The following PEAK1 variants were observed in gnomAD, a reference collection of about 807,000 sequenced individuals.
PEAK1 encodes pseudopodium enriched atypical kinase 1.
A neutral mutation model predicts 124.7 loss-of-function variants in PEAK1; 54 were observed. That is an observed-to-expected ratio of 0.43 (90% confidence interval 0.35 to 0.54). PEAK1 has a LOEUF of 0.54. Among genes scored for constraint, PEAK1 ranks in the 20% least tolerant of loss-of-function variants. PEAK1 has a pLI of 0.01. For missense variants in PEAK1, 2,046 were observed against 2,134.5 expected, an observed-to-expected ratio of 0.96 and a Z score of 0.82; for synonymous variants, 719 against 760.0, an observed-to-expected ratio of 0.95 and a Z score of 0.89.
At chr15:77,352,723 T>A (rs376229312) in intron 2 of PEAK1, 3 of 958,610 alleles carry the variant, frequency 3.1e-6, no homozygotes, top group East Asian at 1.2e-4. Flanking sequence ...AGATTTGAAA[T>A]AATTATTTAA....
chr15:77,311,670 C>A (rs1402336792), intron 2 of PEAK1, among the ~76,000 whole-genome samples: 2 of 127,614 alleles, frequency 1.6e-5, no homozygotes, highest in Non-Finnish European at 3.2e-5. Context: ...GAGATTCCAA[C>A]CCCCCCAACC....
At chr15:77,221,597 C>A (rs1178898418) in intron 6 of PEAK1, among the ~76,000 whole-genome samples, 2 of 152,016 alleles carry the variant, frequency 1.3e-5, no homozygotes, top group Non-Finnish European at 2.9e-5. Flanking sequence ...AATAGGTTAT[C>A]CTGGAACACA....
At chr15:77,397,889 G>A (rs192451202) in intron 1 of PEAK1, among the ~76,000 whole-genome samples, 8 of 151,824 alleles carry the variant, frequency 5.3e-5, no homozygotes, top group East Asian at 1.9e-4. Context: ...GACAAACCCC[G>A]TCTCTACTAA....
intron 6 of PEAK1, among the ~76,000 whole-genome samples, chr15:77,222,865 G>A (rs1416900558): frequency 6.6e-6 from 1 of 151,940 alleles, no homozygotes. Flanking sequence ...TAATCTTACA[G>A]GCAAAAAGTC....
chr15:77,261,694 T>C (rs1181673389), intron 5 of PEAK1, among the ~76,000 whole-genome samples: 1 of 152,128 alleles, frequency 6.6e-6, no homozygotes, highest in Non-Finnish European at 1.5e-5. Flanking sequence ...TGCAGGATAT[T>C]ATCCAGGAGA....
intron 8 of PEAK1, 64 bp downstream of exon 8, chr15:77,158,439 G>A (rs763031613): frequency 1.4e-6 from 2 of 1,414,720 alleles, no homozygotes; most frequent in Admixed American, 1.7e-5. Flanking sequence ...CAAGAAAACA[G>A]AACATTTGGC....
Position 77,371,470 on chromosome 15 carries a change from A to G in PEAK1, c.-665-6245T>C, listed in dbSNP as rs896330955. ...CAAATAATCTATTCACATGTAACTC[A>G]GATCTTTATTGTAGCCTTTGTTGTA... On this transcript the variant is annotated intron_variant, in intron 1 of 9. Coordinates refer to ENST00000682557, the MANE Select transcript of PEAK1 (RefSeq NM_001385026.1). 3.5e-5 allele frequency: 34 copies of G among 982,948 alleles called. 1 individual carries two copies. Among genetic ancestry groups the G allele is most frequent in the African/African-American group, 1.7e-5 (1 of 57,148 alleles). 60.9% of individuals were successfully genotyped at this position (982,948 alleles called of 1,614,324 possible).
At chr15:77,267,274 C>T (rs931843365) in intron 5 of PEAK1, among the ~76,000 whole-genome samples, 4 of 152,154 alleles carry the variant, frequency 2.6e-5, no homozygotes, top group South Asian at 2.1e-4. Flanking sequence ...TCTGATGGTC[C>T]TGCTGGTAGC....
intron 1 of PEAK1, chr15:77,371,187 T>C (rs965668661): frequency 2.0e-6 from 2 of 982,914 alleles, no homozygotes; most frequent in Non-Finnish European, 2.4e-6. Context: ...GTTACCTTTT[T>C]ACTAAGTAAT....
In PEAK1 at chr15:77,350,129, C is replaced by T. The variant is rs1446203387; in HGVS notation, c.-603+15034G>A. 23 of 985,250 alleles carry T rather than the reference C, an allele frequency of 2.3e-5. No individual in the cohort carries two copies. In the South Asian group the frequency reaches 2.3e-4, roughly 10 times the overall value. The allele number at this position is 985,250 out of a possible 1,614,324, so 61.0% of individuals were successfully genotyped here. On this transcript the variant is annotated intron_variant, in intron 2 of 9. Transcript: ENST00000682557. ...AATAGGTCTCTGTTCAAAGCCACTT[C>T]GAAAGATGTGAAAATGCATGCACAA...
At chr15:77,199,922 T>C (rs1567105738) in intron 6 of PEAK1, among the ~76,000 whole-genome samples, 1 of 152,208 alleles carries the variant, frequency 6.6e-6, no homozygotes, top group East Asian at 1.9e-4. Flanking sequence ...CCCTTCTCTA[T>C]GATACAGGCA....
intron 8 of PEAK1, among the ~76,000 whole-genome samples, chr15:77,151,404 A>G (rs2054612018): frequency 6.6e-6 from 1 of 152,072 alleles, no homozygotes; most frequent in Non-Finnish European, 1.5e-5. Context: ...TAGATTCTGG[A>G]TATTAGCCCT....
At chr15:77,262,452 T>C (rs2061490799) in intron 5 of PEAK1, among the ~76,000 whole-genome samples, 1 of 151,332 alleles carries the variant, frequency 6.6e-6, no homozygotes, top group Non-Finnish European at 1.5e-5. Context: ...AGGCAGGGGT[T>C]GCAATCCTAG....
intron 7 of PEAK1, among the ~76,000 whole-genome samples, chr15:77,160,115 C>A (rs1032125270): frequency 6.6e-6 from 1 of 151,918 alleles, no homozygotes; most frequent in African/African-American, 2.4e-5. Context: ...TGCCCTCGGT[C>A]ATCAACCCAA....
intron 1 of PEAK1, among the ~76,000 whole-genome samples, chr15:77,379,496 G>A (rs1315672842): frequency 6.6e-6 from 1 of 152,102 alleles, no homozygotes; most frequent in Non-Finnish European, 1.5e-5. Context: ...TACCCTCTGG[G>A]AAGAACGGTA....
chr15:77,334,510 C>A, intron 2 of PEAK1: 1 of 985,332 alleles, frequency 1.0e-6, no homozygotes, highest in Non-Finnish European at 1.2e-6. Flanking sequence ...ACTCACGACC[C>A]AGGCAGTTTG....
At chr15:77,408,385 CAG>C (rs1307767184) in intron 1 of PEAK1, among the ~76,000 whole-genome samples, 2 of 115,242 alleles carry the variant, frequency 1.7e-5, no homozygotes, top group Non-Finnish European at 3.4e-5. Flanking sequence ...TTTGGGGACA[CAG>C]GGGGAAGGGT....
chr15:77,154,524 CATT>C (rs2054947911), intron 8 of PEAK1, among the ~76,000 whole-genome samples: 1 of 152,168 alleles, frequency 6.6e-6, no homozygotes, highest in African/African-American at 2.4e-5. Flanking sequence ...TTGATCCTGT[CATT>C]ATGATGTTAG....
At chr15:77,173,503 A>T (rs543883613) in intron 7 of PEAK1, among the ~76,000 whole-genome samples, 59 of 152,256 alleles carry the variant, frequency 3.9e-4, no homozygotes, top group Admixed American at 7.2e-4. Flanking sequence ...TGAAATATGT[A>T]CTATGTCATT....
Sources: allele counts gnomAD v4.1 joint callset (sites outside exome capture counted in the v4.1 genomes callset), GRCh38; gene constraint gnomAD v4.1.1; transcripts MANE v1.5; gene names NCBI Gene and HGNC (gene_info 2026-07-23, HGNC 2026-07-21).